PHLDA3: variants seen among roughly 807,000 people sequenced by gnomAD.
PHLDA3 encodes the protein pleckstrin homology-like domain family A member 3.
A neutral mutation model predicts 7.6 loss-of-function variants in PHLDA3; 12 were observed. The observed-to-expected ratio is 1.58, with a 90% CI of 1.01 to 2.55. The LOEUF is 2.55. PHLDA3 is among the 30% of genes most tolerant of loss of function. PHLDA3 has a pLI of 0.00. For missense variants in PHLDA3, 177 were observed against 175.6 expected (o/e 1.01, Z -0.05); for synonymous variants, 104 against 85.1 (o/e 1.22, Z -1.23).
At position 201,468,456 on chromosome 1, in the gene PHLDA3, T is replaced by C; in HGVS notation, c.331A>G (p.Ile111Val). 1 of 1,614,186 alleles carries C rather than the reference T, an allele frequency of 6.2e-7. No individual in the cohort carries two copies. The highest frequency in any genetic ancestry group is 8.5e-7 in the Non-Finnish European group (1 of 1,180,022). The change falls in exon 1 of 2, where the codon ATC (isoleucine) becomes GTC (valine). Residue 111 changes from isoleucine (I) to valine (V), a missense_variant. By Grantham distance (29) the Ile-to-Val change is conservative. Transcript: ENST00000367311. The stretch of plus-strand genomic sequence containing the variant: ...CTCTGCCGGGCCCGCACTGTCTGGA[T>C]GGCCTGCTGGTTCTTGAACTTGACC... ...GLVKFKNQQA[I>V]QTVRARQSLG...
chr1:201,468,585 C>G lies in PHLDA3; in HGVS notation c.202G>C (p.Gly68Arg). 6.2e-7 allele frequency: 1 copy of G among 1,613,908 alleles called. No homozygotes were observed. Among genetic ancestry groups the G allele is most frequent in the Non-Finnish European group, 8.5e-7 (1 of 1,180,022 alleles). ...IKAVECVEST[G>R]RHIYFTLVTE... Reference sequence around the variant, plus strand: ...ACCAGCGTGAAGTAGATGTGGCGCCCGGTGCTCTCCACGCACTCCACGGCC... The same window carrying G: ...ACCAGCGTGAAGTAGATGTGGCGCCGGGTGCTCTCCACGCACTCCACGGCC... Residue 68 changes from glycine (G) to arginine (R), a missense_variant, in exon 1 of 2, where the codon GGG becomes CGG. By Grantham distance (125) the Gly-to-Arg change is moderately radical. Coordinates refer to ENST00000367311, the MANE Select transcript of PHLDA3 (RefSeq NM_012396.5).
chr1:201,468,376 T>A lies in PHLDA3; in HGVS notation c.*27A>T. ...CTCAGCACTGAGGTGGTGGGTAGCA[T>A]GAAGGAAAGATGGTGCGCCCGGTGG... On this transcript the variant is annotated 3_prime_UTR_variant, in exon 1 of 2. Coordinates refer to ENST00000367311, the MANE Select transcript of PHLDA3 (RefSeq NM_012396.5). The A allele has an allele frequency of 6.2e-7, 1 of 1,612,970 alleles. No homozygotes were observed. Among genetic ancestry groups the A allele is most frequent in the Non-Finnish European group, 8.5e-7 (1 of 1,179,596 alleles).
intron 1 of PHLDA3, chr1:201,467,639 T>TACACACACACACACACACACACAC (rs56225084): frequency 2.1e-5 from 3 of 140,018 alleles, no homozygotes; most frequent in East Asian, 2.2e-4. Flanking sequence ...CAACAAACCA[T>TACACACACACACACACACACACAC]ACACACACAC....
chr1:201,468,298 G>A (rs1382964641), intron 1 of PHLDA3, 43 bp downstream of exon 1: 2 of 1,235,066 alleles, frequency 1.6e-6, no homozygotes, highest in South Asian at 1.3e-5. Flanking sequence ...GGAAAGAGAA[G>A]GGAGGGAAGG....
At position 201,466,019 on chromosome 1, in the gene PHLDA3, C is replaced by A. The variant is rs1232394202; in HGVS notation, c.*222G>T. The A allele has an allele frequency of 6.5e-6, 1 of 154,940 alleles. No homozygotes were observed. The highest frequency in any genetic ancestry group is 2.4e-5 in the African/African-American group (1 of 41,516). The allele number at this position is 154,940 out of a possible 1,614,324, so 9.6% of individuals were successfully genotyped here. A position where few individuals can be genotyped will look rare whatever the true frequency, so the allele number is the denominator to read the frequency against. On this transcript the variant is annotated 3_prime_UTR_variant, in exon 2 of 2. Transcript: ENST00000367311. ...GCATGTCCTGAGAGTCTGGGACCATCCAGGGGCTGCATCTTCATCCTCAGC... is the reference window on the plus strand; with the variant it reads ...GCATGTCCTGAGAGTCTGGGACCATACAGGGGCTGCATCTTCATCCTCAGC...
intron 1 of PHLDA3, 22 bp downstream of exon 1, chr1:201,468,319 G>T: frequency 6.9e-7 from 1 of 1,444,972 alleles, no homozygotes; most frequent in Non-Finnish European, 9.6e-7. Flanking sequence ...AGAGAAGAGG[G>T]CCCAGTCCCC....
At chr1:201,466,849 T>C (rs1472326005) in intron 1 of PHLDA3, among the ~76,000 whole-genome samples, 4 of 139,634 alleles carry the variant, frequency 2.9e-5, no homozygotes, top group African/African-American at 1.0e-4. Flanking sequence ...CCCCATGCCC[T>C]CCTCCAGCTT....
chr1:201,468,964 T>C lies in PHLDA3; in HGVS notation c.-178A>G. 1 of 530,902 alleles carries C rather than the reference T, an allele frequency of 1.9e-6. No homozygotes were observed. The highest frequency in any genetic ancestry group is 3.0e-6 in the Non-Finnish European group (1 of 338,622). 32.9% of individuals were successfully genotyped at this position (530,902 alleles called of 1,614,324 possible). ...CAGCACCCGGCTGCCGGTGAGGTGG[T>C]GTCGGTGCCCCCAGCGCGCTCCGCG... On this transcript the variant is annotated 5_prime_UTR_variant, in exon 1 of 2. Transcript: ENST00000367311.
Position 201,468,412 on chromosome 1 carries a change from G to C in PHLDA3, c.375C>G (p.Leu125=), listed in dbSNP as rs201117567. ...TGGTGCGCCCGGTGGTTTAGGACACGAGGGTCCCGGTCCCGAGGCTCTGCC... is the reference window on the plus strand; with the variant it reads ...TGGTGCGCCCGGTGGTTTAGGACACCAGGGTCCCGGTCCCGAGGCTCTGCC... The part of the protein sequence containing the change: ...RARQSLGTGT[L]VS The change falls in exon 1 of 2, where the codon CTC becomes CTG. Residue 125 remains leucine, a synonymous_variant. Transcript: ENST00000367311. 1.9e-6 allele frequency: 3 copies of C among 1,613,904 alleles called. No homozygotes were observed. The highest frequency in any genetic ancestry group is 2.7e-5 in the African/African-American group (2 of 75,020).
Position 201,468,496 on chromosome 1 carries a change from C to G in PHLDA3, c.291G>C (p.Gln97His). The G allele has an allele frequency of 1.9e-6, 3 of 1,614,170 alleles. No homozygotes were observed. The highest frequency in any genetic ancestry group is 2.5e-6 in the Non-Finnish European group (3 of 1,180,020). ...CPLEDPGWNA[Q>H]ITLGLVKFKN... Reference sequence around the variant, plus strand: ...TGAACTTGACCAGGCCTAGGGTGATCTGGGCGTTCCAGCCGGGATCTTCCA... The same window carrying G: ...TGAACTTGACCAGGCCTAGGGTGATGTGGGCGTTCCAGCCGGGATCTTCCA... Residue 97 changes from glutamine to histidine, a missense_variant, in exon 1 of 2, where the codon CAG (glutamine) becomes CAC (histidine). Coordinates refer to ENST00000367311, the MANE Select transcript of PHLDA3 (RefSeq NM_012396.5).
chr1:201,468,814 C>A lies in PHLDA3; in HGVS notation c.-28G>T. On this transcript the variant is annotated 5_prime_UTR_variant, in exon 1 of 2. Transcript: ENST00000367311. ...GCGCCCCGAGGTTCGCGGAAAGCTCCAGGCTGCGGCGGGCGCGGCGCCCCT... is the reference window on the plus strand; with the variant it reads ...GCGCCCCGAGGTTCGCGGAAAGCTCAAGGCTGCGGCGGGCGCGGCGCCCCT... The A allele has an allele frequency of 1.3e-6, 2 of 1,486,792 alleles. No homozygotes were observed. Among genetic ancestry groups the A allele is most frequent in the South Asian group, 2.6e-5 (2 of 77,490 alleles). 92.1% of individuals were successfully genotyped at this position (1,486,792 alleles called of 1,614,324 possible).
rs746498116 is a variant in PHLDA3 at position 201,465,263 on chromosome 1, G to C, written c.*978C>G. 6.6e-6 allele frequency: 1 copy of C among 152,262 alleles called. No individual in the cohort carries two copies. Among genetic ancestry groups the C allele is most frequent in the African/African-American group, 2.4e-5 (1 of 41,442 alleles). The allele number at this position is 152,262 out of a possible 1,614,324, so 9.4% of individuals were successfully genotyped here. On this transcript the variant is annotated 3_prime_UTR_variant, in exon 2 of 2. Coordinates refer to ENST00000367311, the MANE Select transcript of PHLDA3 (RefSeq NM_012396.5). ...GGTAGCAGGGGCAGGGTAGCCTCCT[G>C]TAGAAGAGACATTCATAGGGACTGA...
At position 201,468,749 on chromosome 1, in the gene PHLDA3, C is replaced by A; in HGVS notation, c.38G>T (p.Gly13Val). The A allele has an allele frequency of 6.3e-7, 1 of 1,590,330 alleles. No individual in the cohort carries two copies. Among genetic ancestry groups the A allele is most frequent in the Middle Eastern group, 2.0e-4 (1 of 4,956 alleles). The change falls in exon 1 of 2, where the codon GGC (glycine) becomes GTC (valine). Residue 13 changes from glycine to valine, a missense_variant. Coordinates refer to ENST00000367311, the MANE Select transcript of PHLDA3 (RefSeq NM_012396.5). ...CCCGCCGCTGCGCTTCTCCAGCACG[C>A]CCTCCTTGAGCACGGTAGCCGTCGC... The part of the protein sequence containing the change: ...AAATATVLKE[G>V]VLEKRSGGLL...
Position 201,469,039 on chromosome 1 carries a change from G to A in PHLDA3, c.-253C>T, listed in dbSNP as rs1663760387. ...CCCGCTCCTCCGCTCTACCCCAGCT[G>A]GCCCAGCCCGACCCGCCTCTGCCAG... On this transcript the variant is annotated 5_prime_UTR_variant, in exon 1 of 2. Coordinates refer to ENST00000367311, the MANE Select transcript of PHLDA3 (RefSeq NM_012396.5). 3 of 395,030 alleles carry A rather than the reference G, an allele frequency of 7.6e-6. No homozygotes were observed. The highest frequency in any genetic ancestry group is 1.3e-5 in the Non-Finnish European group (3 of 228,858). The allele number at this position is 395,030 out of a possible 1,614,324, so 24.5% of individuals were successfully genotyped here.
rs756877927 is a variant in PHLDA3, at chr1:201,468,703, C to T, written c.84G>A (p.Arg28=). ...RSGGLLQLWK[R]KRCVLTERGL... ...CGCGTTCGGTGAGGACGCAGCGCTT[C>T]CGCTTCCACAGCTGCAGCAGCCCGC... Residue 28 remains arginine (R), a synonymous_variant, in exon 1 of 2, where the codon CGG becomes CGA. Transcript: ENST00000367311. The T allele has an allele frequency of 6.7e-5, 107 of 1,608,928 alleles. 1 individual carries two copies. In the South Asian group the frequency reaches 1.0e-3, roughly 15 times the overall value.
Position 201,468,687 on chromosome 1 carries a change from T to C in PHLDA3, c.100A>G (p.Thr34Ala). 1 of 1,611,350 alleles carries C rather than the reference T, an allele frequency of 6.2e-7. No homozygotes were observed. The highest frequency in any genetic ancestry group is 8.5e-7 in the Non-Finnish European group (1 of 1,179,666). ...TCGAAGAGCTGCAGCCCGCGTTCGG[T>C]GAGGACGCAGCGCTTCCGCTTCCAC... ...QLWKRKRCVL[T>A]ERGLQLFEAK... is the part of the protein sequence containing the mutation. The change falls in exon 1 of 2, where the codon ACC becomes GCC. Residue 34 changes from threonine to alanine, a missense_variant. By Grantham distance (58) the Thr-to-Ala change is moderately conservative (BLOSUM62 0). Transcript: ENST00000367311.
At position 201,465,530 on chromosome 1, in the gene PHLDA3, G is replaced by C. The variant is rs1663638636; in HGVS notation, c.*711C>G. 1 of 154,894 alleles carries C rather than the reference G, an allele frequency of 6.5e-6. No homozygotes were observed. The highest frequency in any genetic ancestry group is 1.5e-5 in the Non-Finnish European group (1 of 68,272). The allele number at this position is 154,894 out of a possible 1,614,324, so 9.6% of individuals were successfully genotyped here. A position where few individuals can be genotyped will look rare whatever the true frequency, so the allele number is the denominator to read the frequency against. On this transcript the variant is annotated 3_prime_UTR_variant, in exon 2 of 2. Coordinates refer to ENST00000367311, the MANE Select transcript of PHLDA3 (RefSeq NM_012396.5). ...CCCTTTGCAGGGCATCTTCATTTGGGGAAAGACATGAAATGCTAATGGCCA... is the reference window on the plus strand; with the variant it reads ...CCCTTTGCAGGGCATCTTCATTTGGCGAAAGACATGAAATGCTAATGGCCA...
At position 201,468,478 on chromosome 1, in the gene PHLDA3, G is replaced by C. The variant is rs773631516; in HGVS notation, c.309C>G (p.Val103=). 6.2e-7 allele frequency: 1 copy of C among 1,614,188 alleles called. No homozygotes were observed. The highest frequency in any genetic ancestry group is 1.7e-5 in the Admixed American group (1 of 60,024). The stretch of plus-strand genomic sequence containing the variant: ...GGATGGCCTGCTGGTTCTTGAACTT[G>C]ACCAGGCCTAGGGTGATCTGGGCGT... ...GWNAQITLGL[V]KFKNQQAIQT... The change falls in exon 1 of 2, where the codon GTC becomes GTG. Residue 103 remains valine, a synonymous_variant. Coordinates refer to ENST00000367311, the MANE Select transcript of PHLDA3 (RefSeq NM_012396.5).
intron 1 of PHLDA3, among the ~76,000 whole-genome samples, chr1:201,467,243 G>A (rs1663684118): frequency 6.6e-6 from 1 of 152,136 alleles, no homozygotes; most frequent in South Asian, 2.1e-4. Context: ...AGAGGTTGAA[G>A]CTGTTGAGGC....
Sources: allele counts gnomAD v4.1 joint callset (sites outside exome capture counted in the v4.1 genomes callset), GRCh38; gene constraint gnomAD v4.1.1; transcripts MANE v1.5; gene names NCBI Gene and HGNC (gene_info 2026-07-23, HGNC 2026-07-21).